Variants in BCAR3 observed in about 807,000 individuals in gnomAD.
BCAR3 encodes breast cancer anti-estrogen resistance protein 3.
A neutral mutation model predicts 80.1 loss-of-function variants in BCAR3; 37 were observed. The ratio of observed to expected loss-of-function variants is 0.46; its 90% CI spans 0.36 to 0.61. The LOEUF is 0.61. Ranked by LOEUF, BCAR3 falls within the 20% of genes least tolerant of loss-of-function variation. The pLI is 0.00. For synonymous variants in BCAR3, 389 were observed against 418.9 expected, an observed-to-expected ratio of 0.93 and a Z score of 0.87; for missense variants, 978 against 1,068.2, an observed-to-expected ratio of 0.92 and a Z score of 1.18.
At chr1:93,675,998 A>G (rs1648468539) in intron 1 of BCAR3, among the ~76,000 whole-genome samples, 1 of 149,222 alleles carries the variant, frequency 6.7e-6, no homozygotes, top group Admixed American at 6.7e-5. Flanking sequence ...TATACTAGTC[A>G]TGATATCAGA....
intron 2 of BCAR3, among the ~76,000 whole-genome samples, chr1:93,645,851 T>TA (rs1434242278): frequency 6.6e-6 from 1 of 152,082 alleles, no homozygotes; most frequent in African/African-American, 2.4e-5. Flanking sequence ...GCTTATAATG[T>TA]AAATTTTGCT....
At chr1:93,729,919 C>T (rs1650723518) in intron 2 of BCAR3, among the ~76,000 whole-genome samples, 2 of 152,222 alleles carry the variant, frequency 1.3e-5, no homozygotes, top group Non-Finnish European at 2.9e-5. Flanking sequence ...ATTTCTGAAA[C>T]ACTTGAATCT....
intron 2 of BCAR3, among the ~76,000 whole-genome samples, chr1:93,773,898 C>T (rs1652445597): frequency 2.0e-5 from 3 of 152,170 alleles, no homozygotes; most frequent in African/African-American, 7.2e-5. Context: ...TTACTCAACT[C>T]CTTCTCTATT....
chr1:93,628,804 G>C (rs529456283), intron 3 of BCAR3, among the ~76,000 whole-genome samples: 1 of 152,286 alleles, frequency 6.6e-6, no homozygotes, highest in Admixed American at 6.5e-5. Flanking sequence ...AAGCTCCACA[G>C]GGGCAGGGAT....
intron 2 of BCAR3, among the ~76,000 whole-genome samples, chr1:93,828,811 G>A (rs1391375308): frequency 6.6e-6 from 1 of 152,112 alleles, no homozygotes. Flanking sequence ...CCGTGTCTCA[G>A]CCTCCCAAGT....
At chr1:93,815,574 T>C (rs917523239) in intron 2 of BCAR3, among the ~76,000 whole-genome samples, 7 of 151,956 alleles carry the variant, frequency 4.6e-5, no homozygotes, top group Admixed American at 6.5e-5. Context: ...TTGTAAGAGG[T>C]GGGGCTTCGC....
At chr1:93,664,790 G>A (rs1212445321) in intron 2 of BCAR3, among the ~76,000 whole-genome samples, 1 of 152,182 alleles carries the variant, frequency 6.6e-6, no homozygotes, top group Non-Finnish European at 1.5e-5. Flanking sequence ...TCTCTTGGCA[G>A]GCAGAGAGGA....
intron 2 of BCAR3, among the ~76,000 whole-genome samples, chr1:93,743,760 G>A (rs1180681640): frequency 6.6e-6 from 1 of 152,280 alleles, no homozygotes; most frequent in African/African-American, 2.4e-5. Flanking sequence ...TACATTATTT[G>A]TCTATAATGT....
intron 2 of BCAR3, among the ~76,000 whole-genome samples, chr1:93,812,912 C>T (rs1049761799): frequency 6.6e-6 from 1 of 152,342 alleles, no homozygotes; most frequent in Middle Eastern, 3.4e-3. Flanking sequence ...TATATCATCT[C>T]CATCGGCTTT....
At chr1:93,567,714 C>T (rs752908362) in intron 10 of BCAR3, 26 bp downstream of exon 10, 1 of 1,593,358 alleles carries the variant, frequency 6.3e-7, no homozygotes, top group African/African-American at 1.3e-5. Context: ...GGGGTAGCCC[C>T]ATGCTTGCTC....
At chr1:93,662,116 C>G (rs1028629922) in intron 2 of BCAR3, among the ~76,000 whole-genome samples, 4 of 152,222 alleles carry the variant, frequency 2.6e-5, no homozygotes, top group Admixed American at 2.0e-4. Context: ...GCTCTGCAGT[C>G]AGGGGCAGAT....
At chr1:93,633,664 T>C (rs1316737872) in intron 3 of BCAR3, among the ~76,000 whole-genome samples, 2 of 152,226 alleles carry the variant, frequency 1.3e-5, no homozygotes, top group African/African-American at 2.4e-5. Context: ...TGATACACTC[T>C]GGCTCTATCG....
chr1:93,784,905 C>G lies in BCAR3; in HGVS notation c.-63+60662G>C, dbSNP rs41395944. Among the ~76,000 whole-genome samples the G allele has an allele frequency of 1.0e-2, 1,522 of 152,300 alleles. 27 individuals carry two copies. The highest frequency in any genetic ancestry group is 0.035 in the African/African-American group (1,441 of 41,558). ...GTTGGTGCTCCCTGTATGAGCTTCC[C>G]TTACTCCTGTTGAGAATTCCAAGTT... On this transcript the variant is annotated intron_variant, in intron 2 of 13. Coordinates refer to the BCAR3 transcript ENST00000370244.
In BCAR3 at chr1:93,817,321, C is replaced by A. The variant is rs577831172; in HGVS notation, c.-63+28246G>T. Among the ~76,000 whole-genome samples, 189 of 152,362 alleles carry A rather than the reference C, an allele frequency of 1.2e-3. 2 individuals carry two copies. Among genetic ancestry groups the A allele is most frequent in the African/African-American group, 4.5e-3 (186 of 41,582 alleles). On this transcript the variant is annotated intron_variant, in intron 2 of 13. Coordinates refer to the BCAR3 transcript ENST00000370244. ...AGGCACCATGGTCTGGCATTGCTCT[C>A]TGGTTTTTGGGGCTGAGAGCCCAGC...
At chr1:93,735,053 C>T (rs1295648893) in intron 2 of BCAR3, among the ~76,000 whole-genome samples, 1 of 152,200 alleles carries the variant, frequency 6.6e-6, no homozygotes, top group Non-Finnish European at 1.5e-5. Context: ...AGGGATGGTG[C>T]CTATCTTGCT....
intron 3 of BCAR3, among the ~76,000 whole-genome samples, chr1:93,689,693 C>T (rs1649104390): frequency 6.6e-6 from 1 of 152,102 alleles, no homozygotes; most frequent in Non-Finnish European, 1.5e-5. Context: ...CACCTGACTG[C>T]CTTCTTGAGT....
chr1:93,779,010 G>A (rs577684357), intron 2 of BCAR3, among the ~76,000 whole-genome samples: 23 of 152,198 alleles, frequency 1.5e-4, no homozygotes, highest in Non-Finnish European at 3.2e-4. Flanking sequence ...CTGATATCTT[G>A]GCCAACATCA....
chr1:93,583,679 C>A (rs60514624), intron 6 of BCAR3, among the ~76,000 whole-genome samples: 1 of 152,102 alleles, frequency 6.6e-6, no homozygotes, highest in Non-Finnish European at 1.5e-5. Flanking sequence ...GTCATGAAGA[C>A]TACCAGTTTT....
chr1:93,687,936 T>C (rs966466026), intron 3 of BCAR3, among the ~76,000 whole-genome samples: 1 of 152,208 alleles, frequency 6.6e-6, no homozygotes, highest in Non-Finnish European at 1.5e-5. Context: ...AAAGCTGAAC[T>C]TGAACAACTG....
Sources: gnomAD v4.1 joint callset for allele counts (sites outside exome capture counted in the v4.1 genomes callset) on GRCh38, gnomAD v4.1.1 for gene constraint, MANE v1.5 for transcripts, NCBI Gene and HGNC (gene_info 2026-07-23, HGNC 2026-07-21) for gene names.